SYN3: variants seen among roughly 807,000 people sequenced by gnomAD.
SYN3 encodes the protein synapsin-3.
Under a neutral mutation model 65.8 loss-of-function variants are expected in SYN3, and 35 were observed. The observed-to-expected ratio is 0.53, with a 90% CI of 0.41 to 0.70. The LOEUF is 0.70. Ranked by LOEUF, SYN3 falls within the 30% of genes least tolerant of loss-of-function variation. SYN3 has a pLI of 0.00. For missense variants in SYN3, 680 were observed against 749.0 expected (o/e 0.91, Z 1.08); for synonymous variants, 270 against 292.9 (o/e 0.92, Z 0.80).
At chr22:32,932,252 C>T (rs562435748) in intron 3 of SYN3, among the ~76,000 whole-genome samples, 1 of 132,120 alleles carries the variant, frequency 7.6e-6, no homozygotes, top group South Asian at 2.9e-4. Flanking sequence ...TGGTCATATG[C>T]CCAGTTTTCT....
chr22:32,936,490 AAAACAAAC>A (rs3071392), intron 3 of SYN3, among the ~76,000 whole-genome samples: 17 of 151,640 alleles, frequency 1.1e-4, no homozygotes, highest in African/African-American at 1.9e-4. Context: ...GAGAAAAAAT[AAAACAAAC>A]AAACAAACAA....
intron 3 of SYN3, among the ~76,000 whole-genome samples, chr22:32,940,197 T>A (rs112212457): frequency 9.8e-5 from 15 of 152,336 alleles, no homozygotes; most frequent in African/African-American, 2.9e-4. Flanking sequence ...CACATTTGTA[T>A]TCTTGTTTGC....
chr22:32,738,429 C>T (rs561378047), intron 6 of SYN3, among the ~76,000 whole-genome samples: 11 of 152,360 alleles, frequency 7.2e-5, no homozygotes, highest in African/African-American at 2.2e-4. Flanking sequence ...AGGTGGGATC[C>T]TTCCCTCTCC....
chr22:32,630,685 C>A (rs1324068682), intron 6 of SYN3, among the ~76,000 whole-genome samples: 4 of 152,212 alleles, frequency 2.6e-5, no homozygotes, highest in African/African-American at 9.6e-5. Flanking sequence ...ATGTGACCAA[C>A]ACTTAATCAA....
At chr22:32,998,791 A>ACAC (rs1556121668) in intron 2 of SYN3, among the ~76,000 whole-genome samples, 1 of 142,254 alleles carries the variant, frequency 7.0e-6, no homozygotes, top group Non-Finnish European at 1.5e-5. Flanking sequence ...AAAAAAAAAA[A>ACAC]AAAAAAAACA....
At chr22:32,901,721 C>T (rs949522996) in intron 4 of SYN3, among the ~76,000 whole-genome samples, 1 of 152,224 alleles carries the variant, frequency 6.6e-6, no homozygotes, top group Admixed American at 6.5e-5. Flanking sequence ...AAAATGGCAC[C>T]AGTGAGATGT....
At chr22:32,903,142 T>G (rs1267943754) in intron 4 of SYN3, among the ~76,000 whole-genome samples, 1 of 152,146 alleles carries the variant, frequency 6.6e-6, no homozygotes, top group Non-Finnish European at 1.5e-5. Context: ...GAGTCCATGC[T>G]CTGACTAAAG....
At chr22:32,724,479 G>T (rs141777664) in intron 6 of SYN3, among the ~76,000 whole-genome samples, 2 of 152,250 alleles carry the variant, frequency 1.3e-5, no homozygotes, top group African/African-American at 4.8e-5. Context: ...ACCTTTCTGT[G>T]CCTCAGTGTC....
At chr22:32,744,032 A>AT (rs1371874611) in intron 6 of SYN3, among the ~76,000 whole-genome samples, 7 of 152,036 alleles carry the variant, frequency 4.6e-5, no homozygotes, top group Non-Finnish European at 1.0e-4. Context: ...TATTCATGAG[A>AT]TGATGACCCC....
At position 32,755,817 on chromosome 22, in the gene SYN3, G is replaced by T. The variant is rs928538100; in HGVS notation, c.711+109098C>A. On this transcript the variant is annotated intron_variant, in intron 6 of 13. Coordinates refer to ENST00000358763, the MANE Select transcript of SYN3 (RefSeq NM_003490.4). ...GTACTATGTTGAAACAAAATTCATA[G>T]TGAACCTACGTACACAATTTTTTTT... 2.6e-5 allele frequency among the ~76,000 whole-genome samples: 4 copies of T among 152,084 alleles called. No individual in the cohort carries two copies. In the South Asian group the frequency reaches 8.3e-4, roughly 32 times the overall value.
chr22:32,775,731 A>G (rs2045892756), intron 6 of SYN3, among the ~76,000 whole-genome samples: 1 of 151,902 alleles, frequency 6.6e-6, no homozygotes, highest in Non-Finnish European at 1.5e-5. Context: ...ATCCCTCTCC[A>G]CCTCTCAGAG....
intron 6 of SYN3, among the ~76,000 whole-genome samples, chr22:32,764,819 T>G (rs1398399830): frequency 2.0e-5 from 3 of 152,174 alleles, no homozygotes; most frequent in African/African-American, 7.2e-5. Context: ...ATTGCAGTGG[T>G]GGGGAGCAAT....
chr22:32,668,991 G>C (rs1038146096), intron 6 of SYN3, among the ~76,000 whole-genome samples: 29 of 152,132 alleles, frequency 1.9e-4, no homozygotes, highest in African/African-American at 7.0e-4. Context: ...AAAAACAGTT[G>C]ACATTTATTA....
chr22:33,022,390 G>T (rs1331445050), intron 1 of SYN3, among the ~76,000 whole-genome samples: 1 of 152,232 alleles, frequency 6.6e-6, no homozygotes, highest in African/African-American at 2.4e-5. Flanking sequence ...ACTTCCTGAA[G>T]AGCAGGTCCA....
At chr22:32,666,265 G>T (rs1307237314) in intron 6 of SYN3, among the ~76,000 whole-genome samples, 1 of 152,096 alleles carries the variant, frequency 6.6e-6, no homozygotes, top group Admixed American at 6.5e-5. Flanking sequence ...ACCACATGTC[G>T]GAGTGTGTCA....
intron 7 of SYN3, among the ~76,000 whole-genome samples, chr22:32,544,968 T>C (rs2058314955): frequency 6.6e-6 from 1 of 152,210 alleles, no homozygotes; most frequent in African/African-American, 2.4e-5. Context: ...CATGTGTCCA[T>C]CCAGGGTACA....
At chr22:32,765,721 GGCTGGGGGACTGT>G (rs1428004886) in intron 6 of SYN3, among the ~76,000 whole-genome samples, 1 of 152,146 alleles carries the variant, frequency 6.6e-6, no homozygotes, top group African/African-American at 2.4e-5. Context: ...GGAGGAGGAA[GGCTGGGGGACTGT>G]GCACCCCTTT....
At chr22:32,654,454 G>A (rs2060114764) in intron 6 of SYN3, among the ~76,000 whole-genome samples, 1 of 152,100 alleles carries the variant, frequency 6.6e-6, no homozygotes, top group Non-Finnish European at 1.5e-5. Context: ...CCTGTGGTCT[G>A]GCCCCAGCCT....
At chr22:32,824,261 G>C (rs1405224951) in intron 6 of SYN3, among the ~76,000 whole-genome samples, 1 of 130,242 alleles carries the variant, frequency 7.7e-6, no homozygotes, top group East Asian at 2.2e-4. Context: ...CTGGGCGACA[G>C]AGCAAGACTC....
Sources: allele counts gnomAD v4.1 joint callset (sites outside exome capture counted in the v4.1 genomes callset), GRCh38; gene constraint gnomAD v4.1.1; transcripts MANE v1.5; gene names NCBI Gene and HGNC (gene_info 2026-07-23, HGNC 2026-07-21).